The following RPS20 variants were observed in gnomAD, a reference collection of about 807,000 sequenced individuals.
RPS20 encodes ribosomal protein S20, also known as small ribosomal subunit protein uS10.
Under a neutral mutation model 15.3 loss-of-function variants are expected in RPS20, and 3 were observed. The ratio of observed to expected loss-of-function variants is 0.20; its 90% CI spans 0.09 to 0.51. RPS20 has a LOEUF of 0.51. Among genes scored for constraint, RPS20 ranks in the 20% least tolerant of loss-of-function variants. RPS20 has a pLI of 0.96. For synonymous variants in RPS20, 62 were observed against 47.8 expected (o/e 1.30, Z -1.23); for missense variants, 67 against 145.9 (o/e 0.46, Z 2.79).
At chr8:56,068,807 C>T (rs879888344), downstream of RPS20, among the ~76,000 whole-genome samples, 236 of 27,482 alleles carry the variant, frequency 8.6e-3, no homozygotes, top group Middle Eastern at 0.025. Context: ...GTGAAAATAT[C>T]TTTTTTTTTT....
chr8:56,068,795 TGGTGAAAATA>T (rs1809676775), downstream of RPS20, among the ~76,000 whole-genome samples: 7 of 144,036 alleles, frequency 4.9e-5, no homozygotes, highest in African/African-American at 1.8e-4. Context: ...CATATTCTCT[TGGTGAAAATA>T]TCTTTTTTTT....
At chr8:56,072,774 G>T, downstream of RPS20, 1 of 652,782 alleles carries the variant, frequency 1.5e-6, no homozygotes, top group Non-Finnish European at 1.9e-6. Context: ...TCTCAACCAT[G>T]GGTGTGCATT....
At chr8:56,070,313 A>G (rs1048019028), downstream of RPS20, among the ~76,000 whole-genome samples, 2 of 152,174 alleles carry the variant, frequency 1.3e-5, no homozygotes, top group Non-Finnish European at 2.9e-5. Context: ...GATCGTCTCC[A>G]TAACCAAGTA....
downstream of RPS20, among the ~76,000 whole-genome samples, chr8:56,071,055 C>G (rs1205652676): frequency 4.2e-4 from 64 of 152,296 alleles, no homozygotes; most frequent in Non-Finnish European, 1.0e-4. Context: ...ACAGCAGTTT[C>G]AAATTTTTTA....
At chr8:56,069,273 A>C (rs1809689354), downstream of RPS20, among the ~76,000 whole-genome samples, 1 of 151,890 alleles carries the variant, frequency 6.6e-6, no homozygotes, top group African/African-American at 2.4e-5. Flanking sequence ...GACTGAGTTT[A>C]GCTCTATTGC....
At position 56,073,784 on chromosome 8, in the gene RPS20, G is replaced by A. The variant is rs539605121; in HGVS notation, c.104-16C>T. 6.8e-6 allele frequency: 11 copies of A among 1,610,960 alleles called. No homozygotes were observed. Among genetic ancestry groups the A allele is most frequent in the African/African-American group, 2.7e-5 (2 of 74,974 alleles). On this transcript the variant is annotated splice_polypyrimidine_tract_variant and intron_variant, in intron 2 of 3. Coordinates refer to ENST00000009589, the MANE Select transcript of RPS20 (RefSeq NM_001023.4). ...TCAGCACACACTACAGGAAATAAAA[G>A]ACCTCTCAGTATAATCGAAACAATT... is the stretch of plus-strand genomic sequence containing the variant.
At chr8:56,069,487 C>G (rs1443933391), downstream of RPS20, among the ~76,000 whole-genome samples, 1 of 152,100 alleles carries the variant, frequency 6.6e-6, no homozygotes, top group Non-Finnish European at 1.5e-5. Context: ...TTAGTAGAGG[C>G]AGGGTTTCAC....
intron 3 of RPS20, 63 bp downstream of exon 3, chr8:56,073,632 G>C: frequency 7.1e-7 from 1 of 1,403,510 alleles, no homozygotes; most frequent in South Asian, 1.2e-5. Flanking sequence ...ACTCCTTAAA[G>C]AACCTGAATT....
At chr8:56,072,551 C>G (rs1338102974), downstream of RPS20, among the ~76,000 whole-genome samples, 1 of 144,612 alleles carries the variant, frequency 6.9e-6, no homozygotes, top group Non-Finnish European at 1.5e-5. Context: ...AACGCCGTCC[C>G]CCCCCCCAAA....
chr8:56,069,649 T>C, downstream of RPS20: 1 of 1,177,590 alleles, frequency 8.5e-7, no homozygotes, highest in Non-Finnish European at 1.2e-6. Context: ...TCCACTGAAG[T>C]ACAATTAAAC....
intron 2 of RPS20, 111 bp downstream of exon 2, chr8:56,073,949 G>T (rs541528301): frequency 1.7e-6 from 2 of 1,153,024 alleles, no homozygotes; most frequent in Non-Finnish European, 2.6e-6. Context: ...ACTTTTTTAA[G>T]TAACTTGTCA....
At chr8:56,073,007 T>A (rs1161814792), downstream of RPS20, 1 of 1,538,822 alleles carries the variant, frequency 6.5e-7, no homozygotes, top group Non-Finnish European at 8.7e-7. Flanking sequence ...TAGTACACCT[T>A]TATATTCCTA....
chr8:56,073,621 A>G, intron 3 of RPS20, 74 bp downstream of exon 3: 2 of 1,270,104 alleles, frequency 1.6e-6, no homozygotes, highest in Non-Finnish European at 2.3e-6. Context: ...TTGGCAGCCG[A>G]ACTCCTTAAA....
At chr8:56,070,634 C>G (rs1809725895), downstream of RPS20, among the ~76,000 whole-genome samples, 1 of 151,308 alleles carries the variant, frequency 6.6e-6, no homozygotes, top group African/African-American at 2.4e-5. Context: ...GAGGTTGAGG[C>G]AGGAGGATCG....
At chr8:56,069,468 T>G (rs1040671105), downstream of RPS20, among the ~76,000 whole-genome samples, 2 of 152,110 alleles carry the variant, frequency 1.3e-5, no homozygotes, top group Non-Finnish European at 2.9e-5. Context: ...CTGGCTAATT[T>G]TTGTATTTTT....
chr8:56,069,930 T>C, downstream of RPS20: 2 of 707,232 alleles, frequency 2.8e-6, no homozygotes, highest in Non-Finnish European at 5.1e-6. Flanking sequence ...GCATAACTAC[T>C]TACATACCAT....
chr8:56,074,406 G>A lies in RPS20; in HGVS notation c.-23C>T, dbSNP rs758384534. 2 of 1,556,710 alleles carry A rather than the reference G, an allele frequency of 1.3e-6. No homozygotes were observed. Among genetic ancestry groups the A allele is most frequent in the Non-Finnish European group, 1.7e-6 (2 of 1,157,096 alleles). Reference sequence around the variant, plus strand: ...CATGGCTGTTGCGCGCGGGCTTCCTGACCGACTTGTTCCTCGGCGAGAGCG... The same window carrying A: ...CATGGCTGTTGCGCGCGGGCTTCCTAACCGACTTGTTCCTCGGCGAGAGCG... On this transcript the variant is annotated 5_prime_UTR_variant, in exon 1 of 4. Transcript: ENST00000009589.
At chr8:56,072,774 G>C (rs906780034), downstream of RPS20, 1 of 652,664 alleles carries the variant, frequency 1.5e-6, no homozygotes, top group African/African-American at 2.0e-5. Flanking sequence ...TCTCAACCAT[G>C]GGTGTGCATT....
downstream of RPS20, among the ~76,000 whole-genome samples, chr8:56,071,662 G>C (rs1366149865): frequency 2.0e-5 from 3 of 152,216 alleles, no homozygotes; most frequent in Non-Finnish European, 4.4e-5. Context: ...TTTCATTTTA[G>C]ACACATTAGC....
Sources: allele counts gnomAD v4.1 joint callset (sites outside exome capture counted in the v4.1 genomes callset), GRCh38; gene constraint gnomAD v4.1.1; transcripts MANE v1.5; gene names NCBI Gene and HGNC (gene_info 2026-07-23, HGNC 2026-07-21).